PRKG1: variants seen among roughly 807,000 people sequenced by gnomAD.
PRKG1 encodes cGMP-dependent protein kinase 1.
In PRKG1, 35 loss-of-function variants were observed where a neutral mutation model predicts 88.1. The observed-to-expected ratio is 0.40, with a 90% CI of 0.30 to 0.53. The LOEUF is 0.53. Ranked by LOEUF, PRKG1 falls within the 20% of genes least tolerant of loss-of-function variation. The pLI, the probability that PRKG1 is intolerant of heterozygous loss-of-function variation, is 0.59. For synonymous variants in PRKG1, 303 were observed against 292.5 expected, an observed-to-expected ratio of 1.04 and a Z score of -0.37; for missense variants, 540 against 839.8, an observed-to-expected ratio of 0.64 and a Z score of 4.41.
At chr10:51,306,146 T>C (rs902511409) in intron 2 of PRKG1, among the ~76,000 whole-genome samples, 1 of 152,216 alleles carries the variant, frequency 6.6e-6, no homozygotes, top group Non-Finnish European at 1.5e-5. Context: ...AGAACCTGGA[T>C]TGAAATTAAG....
chr10:51,246,348 G>A (rs1028788004), intron 2 of PRKG1, among the ~76,000 whole-genome samples: 3 of 152,076 alleles, frequency 2.0e-5, no homozygotes, highest in African/African-American at 7.2e-5. Context: ...CATGCCCACA[G>A]GATCCAGACA....
intron 3 of PRKG1, among the ~76,000 whole-genome samples, chr10:51,608,089 T>A (rs2132238487): frequency 6.6e-6 from 1 of 152,368 alleles, no homozygotes. Context: ...AAATACTGGT[T>A]CTGACTGCAT....
intron 1 of PRKG1, among the ~76,000 whole-genome samples, chr10:51,084,386 A>G (rs1285992535): frequency 6.6e-6 from 1 of 152,218 alleles, no homozygotes; most frequent in Non-Finnish European, 1.5e-5. Context: ...ATTCCAACCT[A>G]TGAAAGGATG....
intron 5 of PRKG1, among the ~76,000 whole-genome samples, chr10:51,946,873 G>A (rs915936425): frequency 1.3e-5 from 2 of 152,010 alleles, no homozygotes; most frequent in Non-Finnish European, 2.9e-5. Flanking sequence ...TACCCCTACT[G>A]GGGGGTGCCT....
intron 3 of PRKG1, among the ~76,000 whole-genome samples, chr10:51,621,007 G>GTATATATATATATATATATATATA (rs370817382): frequency 1.1e-4 from 14 of 122,184 alleles, no homozygotes; most frequent in East Asian, 6.3e-4. Context: ...GTGTATATGT[G>GTATATATATATATATATATATATA]TGTATATATA....
At chr10:51,606,421 A>T (rs1363004392) in intron 3 of PRKG1, among the ~76,000 whole-genome samples, 1 of 152,182 alleles carries the variant, frequency 6.6e-6, no homozygotes. Context: ...TGCTATAGAA[A>T]TAAATGAGAA....
At chr10:51,176,821 C>T (rs1483475141) in intron 2 of PRKG1, among the ~76,000 whole-genome samples, 1 of 152,122 alleles carries the variant, frequency 6.6e-6, no homozygotes, top group Non-Finnish European at 1.5e-5. Context: ...ACCAATGTGA[C>T]ACTAAATGCA....
intron 1 of PRKG1, among the ~76,000 whole-genome samples, chr10:51,104,974 C>A (rs1431163935): frequency 6.6e-6 from 1 of 152,040 alleles, no homozygotes; most frequent in African/African-American, 2.4e-5. Flanking sequence ...CAAGTGATCA[C>A]CCACCCCAGC....
intron 5 of PRKG1, among the ~76,000 whole-genome samples, chr10:51,958,697 A>G (rs751858364): frequency 1.1e-4 from 16 of 151,926 alleles, no homozygotes; most frequent in Non-Finnish European, 2.1e-4. Flanking sequence ...AATAAAGTAT[A>G]TTTCCTGGCA....
intron 1 of PRKG1, among the ~76,000 whole-genome samples, chr10:51,122,000 C>T (rs1398162117): frequency 6.6e-6 from 1 of 152,174 alleles, no homozygotes; most frequent in Admixed American, 6.5e-5. Flanking sequence ...CAGCCCTCTG[C>T]TTCTTGTATT....
chr10:51,074,045 G>A (rs773951919), upstream of PRKG1, among the ~76,000 whole-genome samples: 7 of 152,050 alleles, frequency 4.6e-5, no homozygotes, highest in Non-Finnish European at 8.8e-5. Flanking sequence ...GTCAGCTGAG[G>A]CCTCCCGAGT....
chr10:52,008,708 T>A (rs1390149043), intron 5 of PRKG1, among the ~76,000 whole-genome samples: 1 of 151,842 alleles, frequency 6.6e-6, no homozygotes, highest in Non-Finnish European at 1.5e-5. Context: ...AGCTGGTTTT[T>A]AAAAAATTGT....
intron 2 of PRKG1, among the ~76,000 whole-genome samples, chr10:51,206,188 T>C (rs1838054589): frequency 6.6e-6 from 1 of 152,128 alleles, no homozygotes; most frequent in Non-Finnish European, 1.5e-5. Context: ...GCTACTTGCC[T>C]GTCAAGAATG....
At chr10:51,231,102 C>T (rs913540402) in intron 2 of PRKG1, among the ~76,000 whole-genome samples, 5 of 152,040 alleles carry the variant, frequency 3.3e-5, no homozygotes, top group East Asian at 1.9e-4. Flanking sequence ...GAGAAGCCCT[C>T]GTTTACTTCA....
chr10:51,630,155 G>A (rs1023886525), intron 3 of PRKG1, among the ~76,000 whole-genome samples: 21 of 152,122 alleles, frequency 1.4e-4, no homozygotes, highest in African/African-American at 4.8e-4. Flanking sequence ...AGCAGCTGTC[G>A]TGACTCAAAA....
intron 3 of PRKG1, among the ~76,000 whole-genome samples, chr10:51,628,465 G>C (rs1394609013): frequency 6.6e-6 from 1 of 151,908 alleles, no homozygotes; most frequent in African/African-American, 2.4e-5. Flanking sequence ...CCCCAGCCTG[G>C]TCTTGTTTTC....
At chr10:51,868,316 G>A (rs1456196460) in intron 4 of PRKG1, among the ~76,000 whole-genome samples, 1 of 152,126 alleles carries the variant, frequency 6.6e-6, no homozygotes, top group Non-Finnish European at 1.5e-5. Context: ...GGGCATGATG[G>A]AGCACTGAGA....
At chr10:51,851,455 C>T (rs1840552896) in intron 4 of PRKG1, among the ~76,000 whole-genome samples, 1 of 152,116 alleles carries the variant, frequency 6.6e-6, no homozygotes, top group Admixed American at 6.6e-5. Context: ...ATCATCCAGC[C>T]AAAACCATCA....
At chr10:51,006,382 G>A (rs143217344) in intron 1 of PRKG1, among the ~76,000 whole-genome samples, 2 of 152,286 alleles carry the variant, frequency 1.3e-5, no homozygotes, top group African/African-American at 4.8e-5. Flanking sequence ...GCTCATGCAT[G>A]TAATAGATTT....
Sources: allele counts gnomAD v4.1 joint callset (sites outside exome capture counted in the v4.1 genomes callset), GRCh38; gene constraint gnomAD v4.1.1; transcripts MANE v1.5; gene names NCBI Gene and HGNC (gene_info 2026-07-23, HGNC 2026-07-21).